Variants in CLSTN3 observed in about 807,000 individuals in gnomAD.
The protein encoded by CLSTN3 is calsyntenin 3.
CLSTN3 carries 36 observed loss-of-function variants against 95.9 expected under a neutral mutation model. The ratio of observed to expected loss-of-function variants is 0.38; its 90% CI spans 0.29 to 0.50. The LOEUF (loss-of-function observed/expected upper bound fraction) is 0.50, where lower values mean the gene tolerates loss of function less well. Ranked by LOEUF, CLSTN3 falls within the 20% of genes least tolerant of loss-of-function variation. The pLI is 0.95. For missense variants in CLSTN3, 1,084 were observed against 1,268.8 expected (o/e 0.85, Z 2.21); for synonymous variants, 481 against 504.0 (o/e 0.95, Z 0.61).
chr12:7,146,747 G>A (rs760470432), intron 12 of CLSTN3, among the ~76,000 whole-genome samples: 3 of 152,094 alleles, frequency 2.0e-5, no homozygotes, highest in East Asian at 3.9e-4. Context: ...CCAGACCAAC[G>A]GTGCCTTTGG....
At chr12:7,135,578 A>G (rs1939395903) in intron 4 of CLSTN3, 43 bp downstream of exon 4, 1 of 1,589,708 alleles carries the variant, frequency 6.3e-7, no homozygotes, top group African/African-American at 1.3e-5. Context: ...GTTCCCCTTG[A>G]GCACCCACCT....
Position 7,135,906 on chromosome 12 carries a change from C to T in CLSTN3, c.695C>T (p.Ala232Val). The part of the protein sequence containing the change: ...DCGKKRAADD[A>V]EVEIQVKPTC... ...GGGAAGAAGCGGGCAGCAGATGATG[C>T]TGAGGTGGAGATTCAGGTGAAGCCC... The change falls in exon 5 of 18, where the codon GCT (alanine) becomes GTT (valine). Residue 232 changes from alanine (A) to valine (V), a missense_variant. Ala to Val is a moderately conservative substitution (Grantham distance 64, BLOSUM62 0). Coordinates refer to ENST00000266546, the MANE Select transcript of CLSTN3 (RefSeq NM_014718.4). The T allele has an allele frequency of 6.2e-7, 1 of 1,613,934 alleles. No homozygotes were observed. Among genetic ancestry groups the T allele is most frequent in the Non-Finnish European group, 8.5e-7 (1 of 1,179,880 alleles).
chr12:7,157,470 C>G lies in CLSTN3; in HGVS notation c.2528-19C>G. 6.5e-7 allele frequency: 1 copy of G among 1,549,082 alleles called. No homozygotes were observed. The highest frequency in any genetic ancestry group is 8.7e-7 in the Non-Finnish European group (1 of 1,145,946). ...GTGTGCCTAGTCACGCTCTGCTCAC[C>G]CCCGCGCTCTCTCTGCAGTGATACC... On this transcript the variant is annotated intron_variant, in intron 16 of 17. Transcript: ENST00000266546. The surrounding 1 kb of genome is among the most constrained non-coding windows in gnomAD (Gnocchi z 5.9).
intron 12 of CLSTN3, among the ~76,000 whole-genome samples, chr12:7,145,098 AG>A (rs1228788879): frequency 1.3e-5 from 2 of 152,132 alleles, no homozygotes; most frequent in Non-Finnish European, 2.9e-5. Flanking sequence ...GAGCTCTGCA[AG>A]GGGAGTTCCT....
In CLSTN3 at chr12:7,130,554, G is replaced by A. The variant is rs1939276355; in HGVS notation, c.-95G>A. 1.3e-6 allele frequency: 2 copies of A among 1,547,064 alleles called. No homozygotes were observed. The highest frequency in any genetic ancestry group is 2.0e-5 in the Admixed American group (1 of 50,954). ...CTGCCCTGCTGTACCCCGCTCCTTG[G>A]AGACCCCCTGTATCCCTCCCGCAAG... On this transcript the variant is annotated 5_prime_UTR_variant, in exon 1 of 18. Coordinates refer to ENST00000266546, the MANE Select transcript of CLSTN3 (RefSeq NM_014718.4).
chr12:7,138,174 C>A, intron 8 of CLSTN3, 107 bp downstream of exon 8: 1 of 704,530 alleles, frequency 1.4e-6, no homozygotes, highest in Non-Finnish European at 2.4e-6. Context: ...CCCTTGCCCT[C>A]TCTTTGCTTC....
intron 10 of CLSTN3, 106 bp downstream of exon 10, chr12:7,142,245 G>T (rs999487902): frequency 2.9e-5 from 26 of 911,216 alleles, no homozygotes; most frequent in Non-Finnish European, 4.1e-5. Flanking sequence ...CAGCCTCCTA[G>T]GCCACCAGGG....
intron 12 of CLSTN3, among the ~76,000 whole-genome samples, chr12:7,144,220 G>T (rs1193734632): frequency 1.6e-5 from 2 of 128,572 alleles, no homozygotes; most frequent in Non-Finnish European, 3.1e-5. Context: ...GCTACAAAGC[G>T]AGACTCCATC....
chr12:7,133,863 C>T lies in CLSTN3; in HGVS notation c.383+95C>T, dbSNP rs1939354680. 1.0e-6 allele frequency: 1 copy of T among 1,002,786 alleles called. No individual in the cohort carries two copies. Among genetic ancestry groups the T allele is most frequent in the South Asian group, 1.7e-5 (1 of 60,312 alleles). 62.1% of individuals were successfully genotyped at this position (1,002,786 alleles called of 1,614,324 possible). ...TCTGTCCGTGCGGTCATCGAATATCCACCCCCACCCGCTGCTGTTCCTAGG... is the reference window on the plus strand; with the variant it reads ...TCTGTCCGTGCGGTCATCGAATATCTACCCCCACCCGCTGCTGTTCCTAGG... On this transcript the variant is annotated intron_variant, in intron 3 of 17. Transcript: ENST00000266546. This position sits in a 1 kb window ranked among gnomAD's most constrained non-coding sequence, Gnocchi z 4.7.
chr12:7,157,642 A>G lies in CLSTN3; in HGVS notation c.2681A>G (p.Asp894Gly). 6.2e-7 allele frequency: 1 copy of G among 1,607,950 alleles called. No individual in the cohort carries two copies. The highest frequency in any genetic ancestry group is 8.5e-7 in the Non-Finnish European group (1 of 1,177,216). The change falls in exon 17 of 18, where the codon GAC (aspartate) becomes GGC (glycine). Residue 894 changes from aspartate (D) to glycine (G), a missense_variant. By Grantham distance (94) the Asp-to-Gly change is moderately conservative (BLOSUM62 -1). Transcript: ENST00000266546. The surrounding 1 kb of genome is among the most constrained non-coding windows in gnomAD (Gnocchi z 5.9). ...GCCTCCAGTGACCCCAAGGACCCAG[A>G]CCTCTTCTGGGATGACTCAGCTCTC... Reference protein sequence around the residue: ...PGASSDPKDPDLFWDDSALTI... With the variant: ...PGASSDPKDPGLFWDDSALTI...
At chr12:7,151,430 A>T (rs1939722083) in intron 16 of CLSTN3, among the ~76,000 whole-genome samples, 1 of 152,188 alleles carries the variant, frequency 6.6e-6, no homozygotes, top group Admixed American at 6.5e-5. Flanking sequence ...AGTATTTACT[A>T]AGCACCTACT....
chr12:7,153,468 C>T (rs1264444427), intron 16 of CLSTN3, among the ~76,000 whole-genome samples: 1 of 152,080 alleles, frequency 6.6e-6, no homozygotes, highest in African/African-American at 2.4e-5. Flanking sequence ...TTTCAGTGTT[C>T]TACTGTGATT....
chr12:7,152,745 A>G (rs962721261), intron 16 of CLSTN3, among the ~76,000 whole-genome samples: 5 of 152,220 alleles, frequency 3.3e-5, no homozygotes, highest in African/African-American at 4.8e-5. Context: ...TAAACAACCA[A>G]TGAAATGGGT....
At position 7,130,533 on chromosome 12, in the gene CLSTN3, C is replaced by T; in HGVS notation, c.-116C>T. 1 of 1,543,668 alleles carries T rather than the reference C, an allele frequency of 6.5e-7. No homozygotes were observed. The highest frequency in any genetic ancestry group is 1.4e-5 in the African/African-American group (1 of 73,074). On this transcript the variant is annotated 5_prime_UTR_variant, in exon 1 of 18. Transcript: ENST00000266546. ...GCGGCAGGCTCCTTTCCGTCCCTGC[C>T]CTGCTGTACCCCGCTCCTTGGAGAC...
chr12:7,135,573 C>T (rs1939395679), intron 4 of CLSTN3, 38 bp downstream of exon 4: 2 of 1,596,514 alleles, frequency 1.3e-6, no homozygotes, highest in South Asian at 1.1e-5. Context: ...ACCCAGTTCC[C>T]CTTGAGCACC....
intron 8 of CLSTN3, among the ~76,000 whole-genome samples, chr12:7,139,936 G>A (rs1378487398): frequency 2.0e-5 from 3 of 152,156 alleles, no homozygotes; most frequent in East Asian, 1.9e-4. Context: ...GAGCCACTGC[G>A]CCTGGCCAGA....
Position 7,135,922 on chromosome 12 carries a change from G to A in CLSTN3, c.711G>A (p.Gln237=). ...RAADDAEVEI[Q]VKPTCKPSWQ... is the part of the protein sequence containing the mutation. Reference sequence around the variant, plus strand: ...CAGATGATGCTGAGGTGGAGATTCAGGTGAAGCCCACCTGTAAACCCAGCT... The same window carrying A: ...CAGATGATGCTGAGGTGGAGATTCAAGTGAAGCCCACCTGTAAACCCAGCT... Residue 237 remains glutamine, a synonymous_variant, in exon 5 of 18, where the codon CAG becomes CAA. Coordinates refer to ENST00000266546, the MANE Select transcript of CLSTN3 (RefSeq NM_014718.4). The A allele has an allele frequency of 6.2e-7, 1 of 1,613,220 alleles. No homozygotes were observed.
intron 12 of CLSTN3, among the ~76,000 whole-genome samples, chr12:7,145,925 G>C (rs1245673799): frequency 6.6e-6 from 1 of 152,140 alleles, no homozygotes; most frequent in Non-Finnish European, 1.5e-5. Flanking sequence ...TGTGCCGCGT[G>C]TCTGAAATCT....
chr12:7,158,501 CT>C lies in CLSTN3; in HGVS notation c.*424del. ...CCTTCTCTCTCCTGTCCATGGGAAG[CT>C]TTTCCCCCTCTGCAGGGCTCCCTCA... is the stretch of plus-strand genomic sequence containing the variant. On this transcript the variant is annotated 3_prime_UTR_variant, in exon 18 of 18. Transcript: ENST00000266546. 1 of 158,648 alleles carries C rather than the reference CT, an allele frequency of 6.3e-6. No individual in the cohort carries two copies. The highest frequency in any genetic ancestry group is 1.4e-5 in the Non-Finnish European group (1 of 72,272). The allele number at this position is 158,648 out of a possible 1,614,324, so 9.8% of individuals were successfully genotyped here.
Sources: gnomAD v4.1 joint callset for allele counts (sites outside exome capture counted in the v4.1 genomes callset) on GRCh38, gnomAD v4.1.1 for gene constraint, Gnocchi (gnomAD v3.1) non-coding constraint, MANE v1.5 for transcripts, NCBI Gene and HGNC (gene_info 2026-07-23, HGNC 2026-07-21) for gene names.